The following MCC variants were observed in gnomAD, a reference collection of about 807,000 sequenced individuals.
The protein encoded by MCC is colorectal mutant cancer protein.
MCC carries 90 observed loss-of-function variants against 116.2 expected under a neutral mutation model. That is an observed-to-expected ratio of 0.77 (90% CI 0.65 to 0.92). MCC has a LOEUF of 0.92. MCC is among the 40% of genes least tolerant of loss of function. The pLI is 0.00. For synonymous variants in MCC, 578 were observed against 510.5 expected (o/e 1.13, Z -1.78); for missense variants, 1,516 against 1,312.2 (o/e 1.16, Z -2.40).
chr5:113,196,763 C>T (rs1359414960), intron 3 of MCC, among the ~76,000 whole-genome samples: 11 of 152,110 alleles, frequency 7.2e-5, no homozygotes, highest in Admixed American at 5.9e-4. Context: ...GCAGGAGAAT[C>T]GCTTGAACTG....
intron 17 of MCC, among the ~76,000 whole-genome samples, chr5:113,036,832 C>G (rs940637506): frequency 1.3e-5 from 2 of 152,174 alleles, no homozygotes; most frequent in African/African-American, 4.8e-5. Context: ...CCCCTCCATC[C>G]CTTGAGTGAG....
At chr5:113,208,858 G>C (rs1356273131) in intron 3 of MCC, among the ~76,000 whole-genome samples, 1 of 152,172 alleles carries the variant, frequency 6.6e-6, no homozygotes, top group Admixed American at 6.5e-5. Context: ...CATAGATGTA[G>C]ATTTCTTATG....
intron 3 of MCC, among the ~76,000 whole-genome samples, chr5:113,330,956 C>T (rs1023914698): frequency 6.6e-6 from 1 of 152,186 alleles, no homozygotes; most frequent in Non-Finnish European, 1.5e-5. Context: ...ACACATGGAC[C>T]TGAACAAGGT....
At chr5:113,374,145 G>A (rs906889042) in intron 2 of MCC, among the ~76,000 whole-genome samples, 8 of 151,870 alleles carry the variant, frequency 5.3e-5, no homozygotes, top group African/African-American at 1.7e-4. Context: ...TGACCACCTC[G>A]GCCTCCCAAA....
At chr5:113,247,372 T>C (rs1052924340) in intron 3 of MCC, among the ~76,000 whole-genome samples, 2 of 152,280 alleles carry the variant, frequency 1.3e-5, no homozygotes, top group South Asian at 2.1e-4. Context: ...CTTGGAATGA[T>C]GGCTCATGAT....
At chr5:113,472,273 C>G (rs1382790590) in intron 1 of MCC, among the ~76,000 whole-genome samples, 1 of 152,176 alleles carries the variant, frequency 6.6e-6, no homozygotes, top group Non-Finnish European at 1.5e-5. Flanking sequence ...GAGCTGTAGA[C>G]CGGAGCTGTT....
At chr5:113,154,976 A>ATT (rs575120804) in intron 3 of MCC, among the ~76,000 whole-genome samples, 229 of 152,154 alleles carry the variant, frequency 1.5e-3, no homozygotes, top group African/African-American at 5.4e-3. Flanking sequence ...AGTAGGAGTT[A>ATT]TTTCTTCTAA....
At chr5:113,476,308 C>T (rs1772233819) in intron 1 of MCC, among the ~76,000 whole-genome samples, 1 of 152,154 alleles carries the variant, frequency 6.6e-6, no homozygotes, top group East Asian at 1.9e-4. Flanking sequence ...AACACAGCAA[C>T]AGTAATCAAG....
chr5:113,431,055 G>C (rs1193357366), intron 1 of MCC, among the ~76,000 whole-genome samples: 1 of 152,110 alleles, frequency 6.6e-6, no homozygotes, highest in Admixed American at 6.5e-5. Flanking sequence ...GCCCTCTTAA[G>C]AGGTAGCTAT....
chr5:113,268,946 A>G (rs1184700449), intron 3 of MCC, among the ~76,000 whole-genome samples: 1 of 152,226 alleles, frequency 6.6e-6, no homozygotes, highest in Non-Finnish European at 1.5e-5. Flanking sequence ...GATGTTATCT[A>G]TAAAAGCTAG....
In MCC at chr5:113,027,178, A is replaced by G. The variant is rs1292985131; in HGVS notation, c.*124T>C. ...TTGAGTTGGGGCACTCCATTGTCCA[A>G]GTGCCGACCTACCTGCCAGCCTTCC... On this transcript the variant is annotated 3_prime_UTR_variant, in exon 19 of 19. Coordinates refer to ENST00000408903, the MANE Select transcript of MCC (RefSeq NM_001085377.2). 1 of 992,024 alleles carries G rather than the reference A, an allele frequency of 1.0e-6. No homozygotes were observed. Among genetic ancestry groups the G allele is most frequent in the Non-Finnish European group, 1.5e-6 (1 of 682,400 alleles). The allele number at this position is 992,024 out of a possible 1,614,324, so 61.5% of individuals were successfully genotyped here.
chr5:113,069,851 G>A (rs998360166), intron 12 of MCC, among the ~76,000 whole-genome samples: 4 of 152,224 alleles, frequency 2.6e-5, no homozygotes, highest in Admixed American at 2.6e-4. Flanking sequence ...CTCCTAAAAT[G>A]CTGGGATTCC....
intron 3 of MCC, among the ~76,000 whole-genome samples, chr5:113,220,679 A>G (rs535372703): frequency 6.6e-6 from 1 of 152,262 alleles, no homozygotes; most frequent in South Asian, 2.1e-4. Context: ...TCTTGTAACC[A>G]TGTAAAATTC....
At chr5:113,060,754 G>T (rs944466103) in intron 14 of MCC, among the ~76,000 whole-genome samples, 7 of 152,218 alleles carry the variant, frequency 4.6e-5, no homozygotes, top group African/African-American at 1.7e-4. Flanking sequence ...GAGGACATTT[G>T]AGCAGGAGGA....
chr5:113,318,318 AACTC>A (rs1240296176), intron 3 of MCC, among the ~76,000 whole-genome samples: 1 of 152,222 alleles, frequency 6.6e-6, no homozygotes, highest in African/African-American at 2.4e-5. Context: ...AAGTCTAACT[AACTC>A]CAAAGCCTAC....
chr5:113,232,591 A>G (rs1476407884), intron 3 of MCC, among the ~76,000 whole-genome samples: 2 of 152,212 alleles, frequency 1.3e-5, no homozygotes, highest in Non-Finnish European at 2.9e-5. Flanking sequence ...GATTCAGATT[A>G]ATGCATAATT....
intron 5 of MCC, among the ~76,000 whole-genome samples, chr5:113,126,989 A>G (rs949963913): frequency 6.6e-6 from 1 of 152,054 alleles, no homozygotes. Context: ...CCAATACCCA[A>G]TGGTTATATT....
At position 113,411,492 on chromosome 5, in the gene MCC, A is replaced by G. The variant is rs190823824; in HGVS notation, c.171-26280T>C. Among the ~76,000 whole-genome samples the G allele has an allele frequency of 3.9e-5, 6 of 152,124 alleles. No individual in the cohort carries two copies. The East Asian group carries it at 9.6e-4, about 24-fold the overall frequency. On this transcript the variant is annotated intron_variant, in intron 1 of 18. Transcript: ENST00000408903. ...TTGTAAATTTGTGTAAGTTCTTTGT[A>G]GATTCTGGATATTAGACATTTGTCA...
At chr5:113,212,887 G>A (rs1366912128) in intron 3 of MCC, among the ~76,000 whole-genome samples, 2 of 152,200 alleles carry the variant, frequency 1.3e-5, no homozygotes, top group East Asian at 3.8e-4. Context: ...AGCTCTTTAA[G>A]CTGCCCTCCT....
Sources: allele counts gnomAD v4.1 joint callset (sites outside exome capture counted in the v4.1 genomes callset), GRCh38; gene constraint gnomAD v4.1.1; transcripts MANE v1.5; gene names NCBI Gene and HGNC (gene_info 2026-07-23, HGNC 2026-07-21).